TBC1D5: variants seen among roughly 807,000 people sequenced by gnomAD.
TBC1D5 encodes TBC1 domain family, member 5.
TBC1D5 carries 75 observed loss-of-function variants against 100.3 expected under a neutral mutation model. The observed-to-expected ratio is 0.75, with a 90% CI of 0.62 to 0.91. The LOEUF (loss-of-function observed/expected upper bound fraction) is 0.91. Among genes scored for constraint, TBC1D5 ranks in the 40% least tolerant of loss-of-function variants. The pLI is 0.00. For missense variants in TBC1D5, 910 were observed against 942.4 expected, an observed-to-expected ratio of 0.97 and a Z score of 0.45; for synonymous variants, 323 against 325.6, an observed-to-expected ratio of 0.99 and a Z score of 0.09.
intron 4 of TBC1D5, among the ~76,000 whole-genome samples, chr3:17,408,268 A>AACAC (rs3041146): frequency 0.027 from 3,917 of 143,998 alleles, 58 homozygotes; most frequent in East Asian, 0.051. Flanking sequence ...AAGACTATCC[A>AACAC]ACACACACAC....
In TBC1D5 at chr3:17,323,367, A is replaced by G. The variant is rs577918049; in HGVS notation, c.996-15233T>C. Reference sequence around the variant, plus strand: ...TAAGCACAAATATTCTTCACAAAATATTAGCGAATAAATTCAAACCATATA... The same window carrying G: ...TAAGCACAAATATTCTTCACAAAATGTTAGCGAATAAATTCAAACCATATA... On this transcript the variant is annotated intron_variant, in intron 13 of 21. Coordinates refer to ENST00000253692, the Ensembl canonical transcript of TBC1D5. Among the ~76,000 whole-genome samples the G allele has an allele frequency of 3.3e-4, 51 of 152,328 alleles. 1 individual carries two copies. In the South Asian group the frequency reaches 9.5e-3, roughly 28 times the overall value.
At chr3:17,433,572 C>T (rs1191775602) in intron 3 of TBC1D5, among the ~76,000 whole-genome samples, 2 of 152,164 alleles carry the variant, frequency 1.3e-5, no homozygotes, top group African/African-American at 4.8e-5. Flanking sequence ...CTGGGTCTCT[C>T]CTGTAACACC....
chr3:17,280,842 A>T (rs2080507005), intron 15 of TBC1D5, among the ~76,000 whole-genome samples: 1 of 152,232 alleles, frequency 6.6e-6, no homozygotes, highest in African/African-American at 2.4e-5. Context: ...AGCTGTCCAC[A>T]GTCTGCAAAG....
chr3:17,281,534 A>G (rs887749339), intron 15 of TBC1D5, among the ~76,000 whole-genome samples: 1 of 152,240 alleles, frequency 6.6e-6, no homozygotes, highest in Non-Finnish European at 1.5e-5. Context: ...TGAATGGTCC[A>G]GTCACTACTG....
chr3:17,276,878 T>C (rs1406703211), intron 15 of TBC1D5, among the ~76,000 whole-genome samples: 1 of 152,162 alleles, frequency 6.6e-6, no homozygotes, highest in Non-Finnish European at 1.5e-5. Context: ...AAACCTCCCA[T>C]GCATGAATTG....
At chr3:17,299,915 G>C (rs1023290986) in intron 14 of TBC1D5, among the ~76,000 whole-genome samples, 1 of 151,392 alleles carries the variant, frequency 6.6e-6, no homozygotes, top group South Asian at 2.1e-4. Flanking sequence ...TGGTGATAGT[G>C]GGGGAGAATA....
chr3:17,261,851 T>G (rs961174211), intron 15 of TBC1D5, among the ~76,000 whole-genome samples: 6 of 152,032 alleles, frequency 3.9e-5, no homozygotes, highest in African/African-American at 7.2e-5. Context: ...AGGAGTTTTT[T>G]TTTTTTTTTC....
intron 8 of TBC1D5, among the ~76,000 whole-genome samples, chr3:17,390,273 A>G (rs1209138350): frequency 1.3e-5 from 2 of 152,150 alleles, no homozygotes; most frequent in Non-Finnish European, 2.9e-5. Context: ...AGTTGGAAAG[A>G]CATTCAACAG....
chr3:17,169,022 A>G (rs1049127163), intron 19 of TBC1D5, among the ~76,000 whole-genome samples: 2 of 152,112 alleles, frequency 1.3e-5, no homozygotes, highest in African/African-American at 4.8e-5. Context: ...GCTTCTCTTT[A>G]TTGTTCAACT....
intron 2 of TBC1D5, among the ~76,000 whole-genome samples, chr3:17,518,548 CTTT>C (rs1380146515): frequency 3.9e-5 from 6 of 152,268 alleles, no homozygotes; most frequent in Admixed American, 1.3e-4. Flanking sequence ...CTGAGAGCCA[CTTT>C]CATCAGCAAT....
chr3:17,172,234 G>A (rs934799451), intron 19 of TBC1D5, among the ~76,000 whole-genome samples: 1 of 152,168 alleles, frequency 6.6e-6, no homozygotes, highest in East Asian at 1.9e-4. Context: ...TAGATGTTTT[G>A]AGTACAAGAA....
chr3:17,403,923 G>A (rs1003483001), intron 7 of TBC1D5, among the ~76,000 whole-genome samples: 4 of 152,120 alleles, frequency 2.6e-5, no homozygotes, highest in African/African-American at 2.4e-5. Flanking sequence ...CCAACTGTCC[G>A]CAGCTTGAAC....
intron 2 of TBC1D5, among the ~76,000 whole-genome samples, chr3:17,534,842 A>G (rs879866767): frequency 6.6e-5 from 10 of 152,336 alleles, no homozygotes; most frequent in Admixed American, 6.5e-4. Context: ...TAGGGGGAGT[A>G]GTCCCACTTA....
At chr3:17,325,236 T>C (rs1042328730) in intron 13 of TBC1D5, among the ~76,000 whole-genome samples, 2 of 146,942 alleles carry the variant, frequency 1.4e-5, no homozygotes, top group Non-Finnish European at 3.0e-5. Context: ...AAACAAATTG[T>C]GGTATATCCA....
intron 1 of TBC1D5, among the ~76,000 whole-genome samples, chr3:17,705,103 A>AT (rs2073884058): frequency 1.5e-5 from 1 of 67,764 alleles, no homozygotes; most frequent in Non-Finnish European, 3.1e-5. Flanking sequence ...CGGGGGGCTG[A>AT]CCCCCCACCT....
intron 1 of TBC1D5, among the ~76,000 whole-genome samples, chr3:17,662,195 C>T (rs2066733352): frequency 6.6e-6 from 1 of 152,222 alleles, no homozygotes; most frequent in Non-Finnish European, 1.5e-5. Flanking sequence ...ACCCAGCCCA[C>T]TTTCTCCTTT....
At chr3:17,631,213 A>G (rs574107742) in intron 1 of TBC1D5, among the ~76,000 whole-genome samples, 4 of 152,328 alleles carry the variant, frequency 2.6e-5, no homozygotes, top group Admixed American at 2.0e-4. Context: ...GTCTAAACAG[A>G]ACATCAAAAC....
At chr3:17,362,085 T>C (rs542815901) in intron 13 of TBC1D5, among the ~76,000 whole-genome samples, 9 of 152,238 alleles carry the variant, frequency 5.9e-5, no homozygotes, top group Admixed American at 3.9e-4. Context: ...TAATTGGATA[T>C]TCATATTTAA....
At chr3:17,731,071 T>C (rs2076513672) in intron 1 of TBC1D5, among the ~76,000 whole-genome samples, 1 of 152,090 alleles carries the variant, frequency 6.6e-6, no homozygotes, top group Non-Finnish European at 1.5e-5. Context: ...GCTAAGACCT[T>C]ACAAAAGTGA....
Sources: allele counts gnomAD v4.1 joint callset (sites outside exome capture counted in the v4.1 genomes callset), GRCh38; gene constraint gnomAD v4.1.1; transcripts MANE v1.5; gene names NCBI Gene and HGNC (gene_info 2026-07-23, HGNC 2026-07-21).